ZNF516: variants seen among roughly 807,000 people sequenced by gnomAD.
ZNF516 encodes the protein zinc finger protein 516.
Under a neutral mutation model 79.7 loss-of-function variants are expected in ZNF516, and 19 were observed. The ratio of observed to expected loss-of-function variants is 0.24; its 90% CI spans 0.17 to 0.35. ZNF516 has a LOEUF of 0.35. Ranked by LOEUF, ZNF516 falls within the 10% of genes least tolerant of loss-of-function variation. ZNF516 has a pLI of 1.00. For synonymous variants in ZNF516, 877 were observed against 739.5 expected, an observed-to-expected ratio of 1.19 and a Z score of -3.02; for missense variants, 1,678 against 1,679.5, an observed-to-expected ratio of 1.00 and a Z score of 0.02.
chr18:76,473,038 T>C (rs1913936985), intron 1 of ZNF516, among the ~76,000 whole-genome samples: 1 of 152,208 alleles, frequency 6.6e-6, no homozygotes, highest in African/African-American at 2.4e-5. Flanking sequence ...GGAAGTCAAA[T>C]TGTATTACTA....
intron 1 of ZNF516, among the ~76,000 whole-genome samples, chr18:76,482,722 C>T (rs574721387): frequency 2.0e-5 from 3 of 152,324 alleles, no homozygotes; most frequent in South Asian, 4.1e-4. Flanking sequence ...CTTACGTGCA[C>T]ACTTCATTCT....
chr18:76,398,072 C>T (rs189388443), intron 3 of ZNF516, among the ~76,000 whole-genome samples: 10 of 152,294 alleles, frequency 6.6e-5, no homozygotes, highest in Admixed American at 4.6e-4. Context: ...GCAGTTTATC[C>T]GGCATAAAAC....
chr18:76,429,629 G>A (rs937502126), intron 3 of ZNF516, among the ~76,000 whole-genome samples: 20 of 152,132 alleles, frequency 1.3e-4, no homozygotes, highest in South Asian at 2.1e-4. Context: ...TTCCAGACAC[G>A]CCCTGCTGGG....
chr18:76,469,153 G>C (rs1913675952), intron 1 of ZNF516, among the ~76,000 whole-genome samples: 1 of 152,174 alleles, frequency 6.6e-6, no homozygotes, highest in South Asian at 2.1e-4. Context: ...AGTCAAATCA[G>C]GGTGTGCGAA....
At chr18:76,472,496 TACAC>T (rs1036060788) in intron 1 of ZNF516, among the ~76,000 whole-genome samples, 5 of 152,246 alleles carry the variant, frequency 3.3e-5, no homozygotes, top group Admixed American at 6.5e-5. Flanking sequence ...CAGGCACACT[TACAC>T]ACATATGCAC....
intron 3 of ZNF516, among the ~76,000 whole-genome samples, chr18:76,419,693 C>T (rs1442639623): frequency 6.6e-6 from 1 of 152,198 alleles, no homozygotes; most frequent in African/African-American, 2.4e-5. Flanking sequence ...CTCTTGCCTG[C>T]TGCCATTAAG....
intron 1 of ZNF516, among the ~76,000 whole-genome samples, chr18:76,471,011 C>G (rs1913801379): frequency 6.6e-6 from 1 of 152,134 alleles, no homozygotes; most frequent in Admixed American, 6.5e-5. Context: ...TTTCTTTCTT[C>G]AAAGATATTT....
intron 1 of ZNF516, among the ~76,000 whole-genome samples, chr18:76,484,569 G>A (rs1944095030): frequency 6.6e-6 from 1 of 152,152 alleles, no homozygotes; most frequent in East Asian, 1.9e-4. Context: ...TGGAGTTTTC[G>A]TGGGTCCAAA....
intron 3 of ZNF516, among the ~76,000 whole-genome samples, chr18:76,390,479 G>A (rs890393): frequency 6.6e-6 from 1 of 151,990 alleles, no homozygotes; most frequent in Non-Finnish European, 1.5e-5. Context: ...AAGCCAGGAA[G>A]CAGCAGTGAT....
At chr18:76,370,111 G>A (rs1293465113) in intron 6 of ZNF516, among the ~76,000 whole-genome samples, 4 of 152,210 alleles carry the variant, frequency 2.6e-5, no homozygotes, top group Non-Finnish European at 2.9e-5. Context: ...GCACAAAGCC[G>A]CAAGACACCA....
intron 3 of ZNF516, among the ~76,000 whole-genome samples, chr18:76,418,294 AACAC>A (rs1007593841): frequency 4.6e-5 from 7 of 152,108 alleles, no homozygotes; most frequent in Non-Finnish European, 1.0e-4. Context: ...AACGCACTAT[AACAC>A]ACACGCTGTA....
At position 76,379,004 on chromosome 18, in the gene ZNF516, G is replaced by A; in HGVS notation, c.3110C>T (p.Pro1037Leu). Reference protein sequence around the residue: ...QAQPGVAGAPPVLHSIKQEPV... With the variant: ...QAQPGVAGAPLVLHSIKQEPV... The stretch of plus-strand genomic sequence containing the variant: ...CTCCTGTTTGATGGAGTGTAGGACG[G>A]GGGGCGCCCCAGCCACGCCGGGCTG... Residue 1037 changes from proline to leucine, a missense_variant, in exon 4 of 7, where the codon CCC becomes CTC. Physicochemically the swap from Pro to Leu is moderately conservative, Grantham distance 98 (BLOSUM62 -3). Around this residue, in one of 5 missense-constraint regions of ZNF516, gnomAD observed 1,294 missense variants for 1,248.3 expected, o/e 1.04. Coordinates refer to ENST00000443185, the MANE Select transcript of ZNF516 (RefSeq NM_014643.4). The A allele has an allele frequency of 6.2e-7, 1 of 1,604,946 alleles. No individual in the cohort carries two copies. Among genetic ancestry groups the A allele is most frequent in the Non-Finnish European group, 8.5e-7 (1 of 1,175,944 alleles).
intron 3 of ZNF516, among the ~76,000 whole-genome samples, chr18:76,421,854 C>G (rs951086206): frequency 6.6e-6 from 1 of 152,216 alleles, no homozygotes. Context: ...TTCCACAGAT[C>G]TGAATCACAC....
At position 76,394,724 on chromosome 18, in the gene ZNF516, C is replaced by A. The variant is rs1373699488; in HGVS notation, c.1811-14421G>T. Among the ~76,000 whole-genome samples, 2 of 412 alleles carry A rather than the reference C, an allele frequency of 4.9e-3. 1 individual carries two copies. Among genetic ancestry groups the A allele is most frequent in the Non-Finnish European group, 7.9e-3 (2 of 254 alleles). The allele number at this position is 412 out of a possible 152,430, so 0.3% of individuals were successfully genotyped here. A position where few individuals can be genotyped will look rare whatever the true frequency, so the allele number is the denominator to read the frequency against. On this transcript the variant is annotated intron_variant, in intron 3 of 6. Transcript: ENST00000443185. Reference sequence around the variant, plus strand: ...GGGAAGGCAGGTGGTCAGGTGGGGGCAGGGCGGGTGGTCAGGTGGGGGGAG... The same window carrying A: ...GGGAAGGCAGGTGGTCAGGTGGGGGAAGGGCGGGTGGTCAGGTGGGGGGAG...
upstream of ZNF516, chr18:76,496,231 C>G (rs867532757): frequency 1.9e-5 from 24 of 1,248,646 alleles, no homozygotes; most frequent in Middle Eastern, 2.6e-4. Context: ...TGACGTAGAC[C>G]CGGGGAGCTG....
chr18:76,446,808 A>C (rs679446), intron 2 of ZNF516, among the ~76,000 whole-genome samples: 151,687 of 152,336 alleles, frequency 1, 75,525 homozygotes, highest in Non-Finnish European at 1. Context: ...CAAAAATAAG[A>C]CCTGCTGTAA....
chr18:76,441,314 G>A lies in ZNF516; in HGVS notation c.1741C>T (p.Pro581Ser). ...GCCTCGTCGGCCAGGCCAGAGCCCG[G>A]GGAGTCAGCAGCGGCACAGGCGGAG... The part of the protein sequence containing the change: ...PGSACAAADS[P>S]GSGLADEAAE... The change falls in exon 3 of 7, where the codon CCG becomes TCG. Residue 581 changes from proline to serine, a missense_variant. Pro to Ser is a moderately conservative substitution (Grantham distance 74, BLOSUM62 -1). Transcript: ENST00000443185. The A allele has an allele frequency of 6.2e-7, 1 of 1,611,792 alleles. No individual in the cohort carries two copies. The highest frequency in any genetic ancestry group is 8.5e-7 in the Non-Finnish European group (1 of 1,179,590).
chr18:76,444,679 C>T (rs972827958), intron 2 of ZNF516, among the ~76,000 whole-genome samples: 4 of 152,170 alleles, frequency 2.6e-5, no homozygotes, highest in Non-Finnish European at 5.9e-5. Context: ...GATAATAGAC[C>T]TGAGGGGGTG....
chr18:76,438,228 T>C (rs1223910627), intron 3 of ZNF516, among the ~76,000 whole-genome samples: 1 of 152,210 alleles, frequency 6.6e-6, no homozygotes, highest in Admixed American at 6.5e-5. Flanking sequence ...CTTCTGTTAT[T>C]CCTAAGTCGC....
Sources: allele counts gnomAD v4.1 joint callset (sites outside exome capture counted in the v4.1 genomes callset), GRCh38; gene constraint gnomAD v4.1.1; regional missense constraint gnomAD v4.1.1; transcripts MANE v1.5; gene names NCBI Gene and HGNC (gene_info 2026-07-23, HGNC 2026-07-21).